The following KYAT1 variants were observed in gnomAD, a reference collection of about 807,000 sequenced individuals.
KYAT1 encodes the protein kynurenine--oxoglutarate transaminase 1.
A neutral mutation model predicts 52.4 loss-of-function variants in KYAT1; 47 were observed. The observed-to-expected ratio is 0.90, with a 90% confidence interval of 0.71 to 1.14. The LOEUF (loss-of-function observed/expected upper bound fraction) is 1.14. Among genes scored for constraint, KYAT1 ranks in the 50% most tolerant of loss-of-function variants. KYAT1 has a pLI of 0.00. For missense variants in KYAT1, 480 were observed against 557.9 expected (o/e 0.86, Z 1.41); for synonymous variants, 212 against 209.6 (o/e 1.01, Z -0.10).
chr9:128,869,636 G>A (rs540964335), intron 1 of KYAT1, among the ~76,000 whole-genome samples: 4 of 152,226 alleles, frequency 2.6e-5, no homozygotes, highest in East Asian at 1.9e-4. Flanking sequence ...GTCTCACCAC[G>A]TTGCCCAGGC....
chr9:128,855,048 A>T (rs1044269816), intron 1 of KYAT1, among the ~76,000 whole-genome samples: 5 of 152,226 alleles, frequency 3.3e-5, no homozygotes, highest in Admixed American at 6.5e-5. Context: ...GATCATTAAA[A>T]TTTAGGCCTA....
chr9:128,865,006 C>A (rs1353809097), intron 1 of KYAT1, among the ~76,000 whole-genome samples: 2 of 151,452 alleles, frequency 1.3e-5, no homozygotes, highest in East Asian at 4.0e-4. Context: ...GCAGGAGGAT[C>A]CCTTGAGCCC....
intron 7 of KYAT1, among the ~76,000 whole-genome samples, chr9:128,836,483 C>G (rs1034145711): frequency 2.6e-5 from 4 of 151,934 alleles, no homozygotes; most frequent in African/African-American, 7.2e-5. Flanking sequence ...ACTTTTAGTA[C>G]AGACAGGGTT....
At chr9:128,865,338 TATATATATATATATATATATA>T (rs1836151554) in intron 1 of KYAT1, among the ~76,000 whole-genome samples, 8 of 2,158 alleles carry the variant, frequency 3.7e-3, no homozygotes, top group Admixed American at 6.8e-3. Flanking sequence ...TATATATATA[TATATATATATATATATATATA>T]TTTTTTTTTT....
rs568243947 is a variant in KYAT1 at position 128,869,309 on chromosome 9, G to A, written c.-7+12588C>T. 1.1e-4 allele frequency among the ~76,000 whole-genome samples: 16 copies of A among 151,540 alleles called. No individual in the cohort carries two copies. The South Asian group carries it at 1.2e-3, about 12-fold the overall frequency. ...CCTGCATAGCTGGGACTACAGGCGCGAGCCACCACGCCCGGCTAATTTTTT... is the reference window on the plus strand; with the variant it reads ...CCTGCATAGCTGGGACTACAGGCGCAAGCCACCACGCCCGGCTAATTTTTT... On this transcript the variant is annotated intron_variant, in intron 1 of 12. Transcript: ENST00000302586.
chr9:128,844,671 C>CA (rs768547257), intron 2 of KYAT1, among the ~76,000 whole-genome samples: 5 of 151,056 alleles, frequency 3.3e-5, no homozygotes, highest in African/African-American at 4.9e-5. Context: ...GCCTGGGTGA[C>CA]AGAGTAAGAT....
At chr9:128,867,365 G>A (rs1836546519) in intron 1 of KYAT1, among the ~76,000 whole-genome samples, 1 of 152,120 alleles carries the variant, frequency 6.6e-6, no homozygotes, top group Non-Finnish European at 1.5e-5. Flanking sequence ...TTTTAGTAGA[G>A]ACAAGGTCTG....
In KYAT1 at chr9:128,848,318, C is replaced by CA. The variant is rs56157823; in HGVS notation, c.-6-2908dup. Among the ~76,000 whole-genome samples the CA allele has an allele frequency of 7.7e-3, 562 of 73,376 alleles. 13 individuals carry two copies. Among genetic ancestry groups the CA allele is most frequent in the African/African-American group, 0.019 (299 of 15,848 alleles). 48.1% of individuals were successfully genotyped at this position (73,376 alleles called of 152,430 possible). A position where few individuals can be genotyped will look rare whatever the true frequency, so the allele number is the denominator to read the frequency against. The stretch of plus-strand genomic sequence containing the variant: ...CTGGGCGACAGAGGGAGATATGTCT[C>CA]AAAAAAAAAAAAAAAAAAAAAAGTA... On this transcript the variant is annotated intron_variant, in intron 1 of 12. Transcript: ENST00000302586.
chr9:128,835,864 C>T lies in KYAT1; in HGVS notation c.770G>A (p.Gly257Asp), dbSNP rs1423247613. The T allele has an allele frequency of 1.2e-6, 2 of 1,613,974 alleles. No individual in the cohort carries two copies. Among genetic ancestry groups the T allele is most frequent in the Non-Finnish European group, 1.7e-6 (2 of 1,179,968 alleles). Residue 257 changes from glycine (G) to aspartate (D), a missense_variant, in exon 9 of 13, where the codon GGC becomes GAC. Coordinates refer to ENST00000302586, the MANE Select transcript of KYAT1 (RefSeq NM_004059.5). ...KTFSATGWKVGWVLGPDHIMK... is the reference protein window; with the variant it reads ...KTFSATGWKVDWVLGPDHIMK... Reference sequence around the variant, plus strand: ...GATGTGATCTGGACCCAGGACCCAGCCCACCTGCAGCAGGGGCGCAGGTAG... The same window carrying T: ...GATGTGATCTGGACCCAGGACCCAGTCCACCTGCAGCAGGGGCGCAGGTAG...
At chr9:128,848,854 G>GGT in intron 1 of KYAT1, among the ~76,000 whole-genome samples, 1 of 151,376 alleles carries the variant, frequency 6.6e-6, no homozygotes, top group Admixed American at 6.6e-5. Flanking sequence ...TGGGAGGCTG[G>GGT]GTGTGGCTCA....
At chr9:128,865,119 G>A (rs1736270072) in intron 1 of KYAT1, among the ~76,000 whole-genome samples, 1 of 147,430 alleles carries the variant, frequency 6.8e-6, no homozygotes, top group South Asian at 2.2e-4. Flanking sequence ...CCAGCTACTC[G>A]GGAGGCTGAG....
chr9:128,871,689 G>A (rs1837248525), intron 1 of KYAT1, among the ~76,000 whole-genome samples: 1 of 152,154 alleles, frequency 6.6e-6, no homozygotes, highest in South Asian at 2.1e-4. Flanking sequence ...TCCAGCCTGG[G>A]TGACAGAGTG....
intron 1 of KYAT1, among the ~76,000 whole-genome samples, chr9:128,881,442 T>G (rs774460756): frequency 6.6e-6 from 1 of 152,180 alleles, no homozygotes; most frequent in African/African-American, 2.4e-5. Flanking sequence ...TCACCCTACA[T>G]TAGTGCATAT....
At chr9:128,867,471 A>G (rs1414034750) in intron 1 of KYAT1, among the ~76,000 whole-genome samples, 1 of 152,026 alleles carries the variant, frequency 6.6e-6, no homozygotes, top group Non-Finnish European at 1.5e-5. Flanking sequence ...GAGCCAGTGC[A>G]CCCAGCCCTA....
intron 1 of KYAT1, among the ~76,000 whole-genome samples, chr9:128,861,159 C>T (rs1251675620): frequency 6.6e-6 from 1 of 152,174 alleles, no homozygotes; most frequent in East Asian, 1.9e-4. Context: ...TTACAACAGC[C>T]TTAGGAATCA....
chr9:128,838,412 A>G, intron 3 of KYAT1, 45 bp from the exon 4 acceptor site: 1 of 1,611,126 alleles, frequency 6.2e-7, no homozygotes, highest in African/African-American at 1.3e-5. Flanking sequence ...GCCTGGGCCC[A>G]TCCTCCGGCC....
chr9:128,863,886 C>T (rs996498354), intron 1 of KYAT1, among the ~76,000 whole-genome samples: 6 of 152,234 alleles, frequency 3.9e-5, no homozygotes, highest in Non-Finnish European at 7.4e-5. Context: ...TCCAGGTTCC[C>T]GCATAAGGCA....
Position 128,842,635 on chromosome 9 carries a change from G to A in KYAT1, c.201+19C>T, listed in dbSNP as rs1182773592. The A allele has an allele frequency of 4.3e-6, 7 of 1,609,590 alleles. No individual in the cohort carries two copies. In the Admixed American group the frequency reaches 5.0e-5, roughly 12 times the overall value. ...CCCCTTCCTCCCCCAGTGCCTCCAC[G>A]AGAGATGGGGAGACTCACAAATGTC... On this transcript the variant is annotated intron_variant, in intron 3 of 12. Transcript: ENST00000302586.
At chr9:128,837,574 GCCCTC>G in intron 6 of KYAT1, 106 bp downstream of exon 6, 6 of 1,265,330 alleles carry the variant, frequency 4.7e-6, no homozygotes, top group South Asian at 1.4e-5. Flanking sequence ...ATTGTGTGTG[GCCCTC>G]CCACACACAA....
Sources: allele counts gnomAD v4.1 joint callset (sites outside exome capture counted in the v4.1 genomes callset), GRCh38; gene constraint gnomAD v4.1.1; transcripts MANE v1.5; gene names NCBI Gene and HGNC (gene_info 2026-07-23, HGNC 2026-07-21).